Variants in PCCA observed in about 807,000 individuals in gnomAD.
PCCA encodes propionyl-CoA carboxylase alpha chain, mitochondrial.
A neutral mutation model predicts 101.3 loss-of-function variants in PCCA; 74 were observed. That is an observed-to-expected ratio of 0.73 (90% CI 0.61 to 0.89). The LOEUF is 0.89. PCCA is among the 40% of genes least tolerant of loss of function. The pLI is 0.00. For missense variants in PCCA, 891 were observed against 907.0 expected (o/e 0.98, Z 0.23); for synonymous variants, 294 against 313.6 (o/e 0.94, Z 0.66).
chr13:100,268,545 A>G, intron 10 of PCCA, 144 bp from the exon 11 acceptor site: 2 of 746,000 alleles, frequency 2.7e-6, no homozygotes, highest in Non-Finnish European at 5.0e-6. Context: ...TGTTAACATG[A>G]ATCAAAATAA....
intron 16 of PCCA, among the ~76,000 whole-genome samples, chr13:100,322,570 AT>A (rs1273935973): frequency 2.0e-3 from 289 of 145,288 alleles, no homozygotes; most frequent in East Asian, 8.9e-3. Flanking sequence ...CTTTTTTTTA[AT>A]TTTTTTTTTT....
chr13:100,450,447 G>A, intron 21 of PCCA, among the ~76,000 whole-genome samples: 1 of 151,394 alleles, frequency 6.6e-6, no homozygotes, highest in Non-Finnish European at 1.5e-5. Flanking sequence ...TATTGCTATT[G>A]TATTTGAATA....
intron 19 of PCCA, among the ~76,000 whole-genome samples, chr13:100,419,147 A>T (rs2152883284): frequency 6.6e-6 from 1 of 152,126 alleles, no homozygotes; most frequent in East Asian, 1.9e-4. Context: ...CTTCCTGCTG[A>T]CAAGTAAAGA....
intron 2 of PCCA, among the ~76,000 whole-genome samples, chr13:100,110,715 T>G (rs1295437013): frequency 6.6e-6 from 1 of 152,248 alleles, no homozygotes; most frequent in Non-Finnish European, 1.5e-5. Flanking sequence ...AGTATCAGAC[T>G]TCCCTTTGAA....
intron 7 of PCCA, among the ~76,000 whole-genome samples, chr13:100,229,190 G>A (rs1049854954): frequency 5.3e-5 from 8 of 152,118 alleles, no homozygotes; most frequent in Admixed American, 4.6e-4. Flanking sequence ...GTTGCATGAT[G>A]TGGTGGAAGA....
intron 20 of PCCA, among the ~76,000 whole-genome samples, chr13:100,427,269 G>C (rs191963908): frequency 6.6e-6 from 1 of 152,264 alleles, no homozygotes; most frequent in African/African-American, 2.4e-5. Flanking sequence ...TGTTATACTG[G>C]TTTATGTTCG....
chr13:100,250,708 T>C (rs1279142596), intron 8 of PCCA, among the ~76,000 whole-genome samples: 1 of 152,206 alleles, frequency 6.6e-6, no homozygotes, highest in East Asian at 1.9e-4. Context: ...ACATTGTAAA[T>C]GTTACATTGT....
intron 1 of PCCA, among the ~76,000 whole-genome samples, chr13:100,089,862 A>G (rs1276735179): frequency 6.6e-6 from 1 of 152,180 alleles, no homozygotes; most frequent in Non-Finnish European, 1.5e-5. Flanking sequence ...TTCTAAACAC[A>G]TTTCATGACT....
intron 19 of PCCA, among the ~76,000 whole-genome samples, chr13:100,397,864 T>C (rs1474317452): frequency 3.9e-5 from 6 of 152,184 alleles, no homozygotes; most frequent in Admixed American, 6.5e-5. Flanking sequence ...TCTTCTGTTG[T>C]AAATAACCAT....
At chr13:100,421,963 G>A (rs1216508944) in intron 19 of PCCA, among the ~76,000 whole-genome samples, 4 of 152,004 alleles carry the variant, frequency 2.6e-5, no homozygotes, top group African/African-American at 9.7e-5. Flanking sequence ...GGGATTACAG[G>A]CGTGAGCCAC....
At position 100,400,625 on chromosome 13, in the gene PCCA, TAGTTC is replaced by T. The variant is rs772762039; in HGVS notation, c.1747-25007_1747-25003del. On this transcript the variant is annotated intron_variant, in intron 19 of 23. Transcript: ENST00000376285. ...TATGATGATTGATCTTAGTTCTTTTTAGTTCTTTTTTTTTTTTTTTTTGAGAGTTT... is the reference window on the plus strand; with the variant it reads ...TATGATGATTGATCTTAGTTCTTTTTTTTTTTTTTTTTTTTTTGAGAGTTT... Among the ~76,000 whole-genome samples the T allele has an allele frequency of 5.0e-3, 587 of 117,776 alleles. 38 individuals carry two copies. Among genetic ancestry groups the T allele is most frequent in the African/African-American group, 0.017 (482 of 28,148 alleles). The allele number at this position is 117,776 out of a possible 152,430, so 77.3% of individuals were successfully genotyped here.
At chr13:100,233,144 G>A (rs756622256) in intron 7 of PCCA, among the ~76,000 whole-genome samples, 31 of 152,158 alleles carry the variant, frequency 2.0e-4, no homozygotes, top group Non-Finnish European at 4.4e-4. Context: ...CTTCCCAGGA[G>A]TAAAATTTCA....
intron 23 of PCCA, among the ~76,000 whole-genome samples, chr13:100,528,739 C>T (rs961560679): frequency 1.3e-5 from 2 of 152,108 alleles, no homozygotes; most frequent in South Asian, 2.1e-4. Flanking sequence ...TGATTTGTGG[C>T]GTTTTTAAGG....
At chr13:100,379,033 G>A (rs1443983658) in intron 19 of PCCA, among the ~76,000 whole-genome samples, 1 of 152,124 alleles carries the variant, frequency 6.6e-6, no homozygotes, top group Non-Finnish European at 1.5e-5. Context: ...ATTTGAACAT[G>A]TAGGGTAATA....
chr13:100,380,844 A>G (rs1270459404), intron 19 of PCCA, among the ~76,000 whole-genome samples: 1 of 152,274 alleles, frequency 6.6e-6, no homozygotes, highest in Admixed American at 6.5e-5. Flanking sequence ...TGAAATTTTC[A>G]GTAAAGCACT....
chr13:100,451,590 A>G (rs1343620679), intron 21 of PCCA, among the ~76,000 whole-genome samples: 1 of 152,006 alleles, frequency 6.6e-6, no homozygotes, highest in Non-Finnish European at 1.5e-5. Context: ...AACTTCATGT[A>G]TCGGAAACTG....
chr13:100,408,227 A>G (rs1005303606), intron 19 of PCCA, among the ~76,000 whole-genome samples: 12 of 152,214 alleles, frequency 7.9e-5, no homozygotes, highest in African/African-American at 2.9e-4. Flanking sequence ...TTGCCTTCTT[A>G]ATTAAGAGCA....
chr13:100,250,535 C>T (rs1460579291), intron 8 of PCCA, among the ~76,000 whole-genome samples: 1 of 151,040 alleles, frequency 6.6e-6, no homozygotes, highest in African/African-American at 2.4e-5. Context: ...TTTTTTTCTC[C>T]AAATCATTTT....
intron 12 of PCCA, among the ~76,000 whole-genome samples, chr13:100,300,914 T>C (rs369996863): frequency 2.1e-4 from 32 of 152,240 alleles, no homozygotes; most frequent in African/African-American, 7.7e-4. Context: ...CAAGTCAGTG[T>C]GGAGGGAAAG....
Sources: gnomAD v4.1 joint callset for allele counts (sites outside exome capture counted in the v4.1 genomes callset) on GRCh38, gnomAD v4.1.1 for gene constraint, MANE v1.5 for transcripts, NCBI Gene and HGNC (gene_info 2026-07-23, HGNC 2026-07-21) for gene names.